Variants in DIP2C observed in about 807,000 individuals in gnomAD.
DIP2C encodes the protein disco-interacting protein 2 homolog C.
In DIP2C, 33 loss-of-function variants were observed where a neutral mutation model predicts 192.4. That is an observed-to-expected ratio of 0.17 (90% CI 0.13 to 0.23). The LOEUF (loss-of-function observed/expected upper bound fraction) is 0.23, where lower values mean the gene tolerates loss of function less well. DIP2C is among the 10% of genes least tolerant of loss of function. The pLI is 1.00. For synonymous variants in DIP2C, 979 were observed against 864.1 expected, an observed-to-expected ratio of 1.13 and a Z score of -2.33; for missense variants, 1,537 against 2,110.1, an observed-to-expected ratio of 0.73 and a Z score of 5.32.
At position 349,314 on chromosome 10, in the gene DIP2C, C is replaced by G; in HGVS notation, c.3109+17G>C. On this transcript the variant is annotated intron_variant, in intron 25 of 36. Coordinates refer to ENST00000280886, the MANE Select transcript of DIP2C (RefSeq NM_014974.3). The stretch of plus-strand genomic sequence containing the variant: ...CGGCTTGCCATCTCTCAGGGGAAGC[C>G]CACCCTGCGCCTGTACCTGGGGGGT... The G allele has an allele frequency of 3.1e-6, 5 of 1,595,794 alleles. No individual in the cohort carries two copies. The highest frequency in any genetic ancestry group is 4.3e-6 in the Non-Finnish European group (5 of 1,171,896).
intron 1 of DIP2C, among the ~76,000 whole-genome samples, chr10:622,000 A>G (rs1356000751): frequency 6.6e-6 from 1 of 151,662 alleles, no homozygotes; most frequent in African/African-American, 2.4e-5. Context: ...CGTGTGTCTT[A>G]GTTTAATTTC....
intron 3 of DIP2C, among the ~76,000 whole-genome samples, chr10:460,521 G>A (rs1035668753): frequency 1.3e-5 from 2 of 152,214 alleles, no homozygotes; most frequent in African/African-American, 4.8e-5. Flanking sequence ...TTAAATGGCT[G>A]AGTAGATTAA....
At chr10:366,786 G>C (rs966082462) in intron 18 of DIP2C, among the ~76,000 whole-genome samples, 1 of 152,132 alleles carries the variant, frequency 6.6e-6, no homozygotes, top group Non-Finnish European at 1.5e-5. Context: ...TGCAAATCAA[G>C]CCTCTAATGT....
chr10:315,655 G>GGT (rs1956744187), intron 31 of DIP2C, among the ~76,000 whole-genome samples: 1 of 152,134 alleles, frequency 6.6e-6, no homozygotes, highest in South Asian at 2.1e-4. Context: ...AAAGCATCTG[G>GGT]GTGTGATTCT....
intron 22 of DIP2C, 89 bp from the exon 23 acceptor site, chr10:358,026 G>A (rs574874611): frequency 1.5e-5 from 14 of 928,580 alleles, no homozygotes; most frequent in Admixed American, 5.0e-5. Flanking sequence ...CCTTACTCTC[G>A]GAAAACTTCT....
intron 5 of DIP2C, among the ~76,000 whole-genome samples, chr10:420,587 A>G (rs1425672655): frequency 6.6e-6 from 1 of 152,226 alleles, no homozygotes; most frequent in African/African-American, 2.4e-5. Context: ...AACGCTGGAC[A>G]CAGCTTGTAG....
intron 32 of DIP2C, among the ~76,000 whole-genome samples, chr10:297,241 T>TACACACACACACACACACACACACAC (rs140637166): frequency 5.2e-5 from 6 of 115,550 alleles, no homozygotes; most frequent in African/African-American, 2.1e-4. Flanking sequence ...CCCCACCACA[T>TACACACACACACACACACACACACAC]ACACACACAC....
At chr10:476,481 T>C (rs1043847063) in intron 2 of DIP2C, among the ~76,000 whole-genome samples, 4 of 152,188 alleles carry the variant, frequency 2.6e-5, no homozygotes, top group Non-Finnish European at 5.9e-5. Context: ...GATGCGTCAC[T>C]CATTCCTCAG....
intron 3 of DIP2C, among the ~76,000 whole-genome samples, chr10:461,723 G>C (rs1220164405): frequency 6.6e-6 from 1 of 152,052 alleles, no homozygotes; most frequent in Non-Finnish European, 1.5e-5. Context: ...AAATCAATAG[G>C]ATATACCTTC....
rs1588214991 is a variant in DIP2C at position 472,676 on chromosome 10, G to A, written c.158-127C>T. On this transcript the variant is annotated intron_variant, in intron 2 of 36. Transcript: ENST00000280886. ...TACCCACGGGACTGGGCATGGCGGC[G>A]CCTCAGAGCCCACAGACAGGAGGGC... The A allele has an allele frequency of 7.9e-5, 62 of 782,358 alleles. 1 individual carries two copies. In the South Asian group the frequency reaches 8.3e-4, roughly 10 times the overall value. 48.5% of individuals were successfully genotyped at this position (782,358 alleles called of 1,614,324 possible). A position where few individuals can be genotyped will look rare whatever the true frequency, so the allele number is the denominator to read the frequency against.
At chr10:467,294 C>G (rs1970281398) in intron 3 of DIP2C, among the ~76,000 whole-genome samples, 1 of 150,906 alleles carries the variant, frequency 6.6e-6, no homozygotes, top group African/African-American at 2.4e-5. Context: ...AAAAACCAAA[C>G]ACCACATATT....
chr10:294,435 C>T (rs2132223394), intron 32 of DIP2C, among the ~76,000 whole-genome samples: 1 of 152,050 alleles, frequency 6.6e-6, no homozygotes, highest in East Asian at 1.9e-4. Context: ...GGCGAGACCC[C>T]ATCTCTACAA....
At chr10:617,235 C>T (rs951120637) in intron 1 of DIP2C, among the ~76,000 whole-genome samples, 7 of 150,256 alleles carry the variant, frequency 4.7e-5, no homozygotes, top group African/African-American at 1.7e-4. Flanking sequence ...CCCCCACTAC[C>T]GCACATGCCT....
At chr10:475,656 G>A (rs1168113959) in intron 2 of DIP2C, among the ~76,000 whole-genome samples, 1 of 151,968 alleles carries the variant, frequency 6.6e-6, no homozygotes, top group Non-Finnish European at 1.5e-5. Flanking sequence ...GAAAACAAAT[G>A]AATAAAATAG....
chr10:667,699 G>C (rs756312335), intron 1 of DIP2C: 205 of 148,354 alleles, frequency 1.4e-3, no homozygotes, highest in Non-Finnish European at 1.9e-3. Flanking sequence ...CACACATACA[G>C]CACACGTAAC....
chr10:635,756 G>A (rs1588647294), intron 1 of DIP2C, among the ~76,000 whole-genome samples: 2 of 152,224 alleles, frequency 1.3e-5, no homozygotes, highest in South Asian at 2.1e-4. Flanking sequence ...GTGAGACCTC[G>A]AGGCCCTGCA....
intron 32 of DIP2C, among the ~76,000 whole-genome samples, chr10:297,395 G>C (rs1054564745): frequency 6.6e-6 from 1 of 152,114 alleles, no homozygotes; most frequent in East Asian, 1.9e-4. Flanking sequence ...ACTGCAGCCT[G>C]ATTCACAATA....
intron 32 of DIP2C, among the ~76,000 whole-genome samples, chr10:293,009 C>T (rs2132214887): frequency 6.6e-6 from 1 of 152,342 alleles, no homozygotes; most frequent in South Asian, 2.1e-4. Flanking sequence ...ATTCTCTACC[C>T]CAACAGAAGT....
At chr10:578,100 C>T (rs1850292507) in intron 1 of DIP2C, among the ~76,000 whole-genome samples, 1 of 152,154 alleles carries the variant, frequency 6.6e-6, no homozygotes, top group East Asian at 1.9e-4. Context: ...GCACAAAGTC[C>T]TTATTTTCCC....
Sources: allele counts gnomAD v4.1 joint callset (sites outside exome capture counted in the v4.1 genomes callset), GRCh38; gene constraint gnomAD v4.1.1; transcripts MANE v1.5; gene names NCBI Gene and HGNC (gene_info 2026-07-23, HGNC 2026-07-21).